The following MYOM1 variants were observed in gnomAD, a reference collection of about 807,000 sequenced individuals.
The protein encoded by MYOM1 is myomesin-1.
Under a neutral mutation model 205.3 loss-of-function variants are expected in MYOM1, and 164 were observed. The ratio of observed to expected loss-of-function variants is 0.80; its 90% CI spans 0.70 to 0.91. The LOEUF (loss-of-function observed/expected upper bound fraction) is 0.91, where lower values mean the gene tolerates loss of function less well. Ranked by LOEUF, MYOM1 falls within the 40% of genes least tolerant of loss-of-function variation. The pLI, the probability that MYOM1 is intolerant of heterozygous loss-of-function variation, is 0.00. For synonymous variants in MYOM1, 772 were observed against 789.4 expected, an observed-to-expected ratio of 0.98 and a Z score of 0.37; for missense variants, 2,011 against 2,127.3, an observed-to-expected ratio of 0.95 and a Z score of 1.08.
At chr18:3,118,165 G>A (rs1405160549) in intron 20 of MYOM1, among the ~76,000 whole-genome samples, 1 of 152,142 alleles carries the variant, frequency 6.6e-6, no homozygotes, top group Non-Finnish European at 1.5e-5. Context: ...TGTAAAACAG[G>A]ATGACAAAAC....
chr18:3,184,394 C>A (rs139718903), intron 5 of MYOM1, among the ~76,000 whole-genome samples: 258 of 152,258 alleles, frequency 1.7e-3, no homozygotes, highest in Non-Finnish European at 3.1e-3. Context: ...GTAAAGAGTG[C>A]CCTCCAAGTT....
chr18:3,144,114 G>A (rs2080090558), intron 13 of MYOM1, among the ~76,000 whole-genome samples: 1 of 151,982 alleles, frequency 6.6e-6, no homozygotes, highest in Non-Finnish European at 1.5e-5. Flanking sequence ...CCTGAGGCAG[G>A]AGAATGGCAT....
chr18:3,124,306 T>TTC (rs1201535140), intron 19 of MYOM1, among the ~76,000 whole-genome samples: 2 of 147,300 alleles, frequency 1.4e-5, no homozygotes, highest in African/African-American at 5.1e-5. Context: ...CTTTTTTCTT[T>TTC]TTTTTTTTTT....
intron 14 of MYOM1, among the ~76,000 whole-genome samples, chr18:3,138,400 A>T (rs2080001857): frequency 6.6e-6 from 1 of 152,100 alleles, no homozygotes; most frequent in African/African-American, 2.4e-5. Flanking sequence ...CATAGAGGAG[A>T]CAAAGGGATG....
chr18:3,194,499 G>A (rs1286186751), intron 2 of MYOM1, among the ~76,000 whole-genome samples: 2 of 152,184 alleles, frequency 1.3e-5, no homozygotes, highest in Admixed American at 6.5e-5. Context: ...ACACGATGCC[G>A]ATTGACTCAG....
At chr18:3,142,188 C>T in intron 13 of MYOM1, 125 bp from the exon 14 acceptor site, 2 of 1,142,232 alleles carry the variant, frequency 1.8e-6, no homozygotes, top group Non-Finnish European at 2.4e-6. Context: ...AAAGAAGTAC[C>T]TTCTCTCTAA....
At chr18:3,156,860 C>A (rs566996100) in intron 10 of MYOM1, among the ~76,000 whole-genome samples, 26 of 152,258 alleles carry the variant, frequency 1.7e-4, no homozygotes, top group African/African-American at 5.1e-4. Context: ...CCGCCCGCCT[C>A]GGCCTCCCAA....
At chr18:3,210,672 G>A (rs1425687103) in intron 2 of MYOM1, among the ~76,000 whole-genome samples, 1 of 152,176 alleles carries the variant, frequency 6.6e-6, no homozygotes, top group Non-Finnish European at 1.5e-5. Flanking sequence ...TCTAGAAGAA[G>A]GCTAAATCAA....
At chr18:3,198,737 C>T (rs1404986727) in intron 2 of MYOM1, among the ~76,000 whole-genome samples, 4 of 151,004 alleles carry the variant, frequency 2.6e-5, no homozygotes, top group African/African-American at 4.9e-5. Flanking sequence ...GAGCCAAGAT[C>T]GCACCACTGC....
chr18:3,096,734 A>G (rs2079310375), intron 25 of MYOM1, among the ~76,000 whole-genome samples: 1 of 152,294 alleles, frequency 6.6e-6, no homozygotes, highest in Admixed American at 6.5e-5. Context: ...CAAGAGGGGT[A>G]AAAACCGGTG....
intron 11 of MYOM1, among the ~76,000 whole-genome samples, chr18:3,154,704 T>C (rs576098517): frequency 1.3e-5 from 2 of 152,072 alleles, no homozygotes; most frequent in East Asian, 3.9e-4. Flanking sequence ...TACCATTATA[T>C]GTATGTGTAT....
chr18:3,131,361 C>T lies in MYOM1; in HGVS notation c.2506+14G>A. 1.2e-6 allele frequency: 2 copies of T among 1,613,518 alleles called. No individual in the cohort carries two copies. Among genetic ancestry groups the T allele is most frequent in the Non-Finnish European group, 1.7e-6 (2 of 1,179,660 alleles). ...TCCATTTTTCCCCCATACAGTTATGCATAAGGAACTTACCAATAGCAGCTT... is the reference window on the plus strand; with the variant it reads ...TCCATTTTTCCCCCATACAGTTATGTATAAGGAACTTACCAATAGCAGCTT... On this transcript the variant is annotated intron_variant, in intron 17 of 37. Coordinates refer to ENST00000356443, the MANE Select transcript of MYOM1 (RefSeq NM_003803.4).
intron 25 of MYOM1, among the ~76,000 whole-genome samples, chr18:3,097,435 T>C (rs549357444): frequency 6.6e-6 from 1 of 152,308 alleles, no homozygotes; most frequent in African/African-American, 2.4e-5. Flanking sequence ...TTTATACTCA[T>C]TTTTTTGTGA....
Position 3,075,430 on chromosome 18 carries a change from A to C in MYOM1, c.4708+24T>G, listed in dbSNP as rs185479163. 2.7e-4 allele frequency: 427 copies of C among 1,606,804 alleles called. 3 individuals are homozygous for C. In the African/African-American group the frequency reaches 4.7e-3, roughly 18 times the overall value. On this transcript the variant is annotated intron_variant, in intron 36 of 37. Transcript: ENST00000356443. The stretch of plus-strand genomic sequence containing the variant: ...GAATCTATCCCAGGAGTACTTGTGA[A>C]AAGTAAAAAAAAAGTTTACTTACTT...
At chr18:3,136,531 A>C (rs767442872) in intron 14 of MYOM1, among the ~76,000 whole-genome samples, 6 of 151,882 alleles carry the variant, frequency 4.0e-5, no homozygotes, top group Non-Finnish European at 8.8e-5. Context: ...GGTTCAAGTG[A>C]TCCTCCCACC....
At chr18:3,123,003 G>T (rs2079719735) in intron 19 of MYOM1, among the ~76,000 whole-genome samples, 1 of 152,016 alleles carries the variant, frequency 6.6e-6, no homozygotes, top group Non-Finnish European at 1.5e-5. Context: ...AAAAAAAGAA[G>T]AAAATCTGAG....
chr18:3,242,498 A>C, the MYOM1 span, among the ~76,000 whole-genome samples: 2 of 152,216 alleles, frequency 1.3e-5, no homozygotes, highest in South Asian at 2.1e-4. Flanking sequence ...TAAATTACCC[A>C]GTCTCAGGTA....
intron 18 of MYOM1, among the ~76,000 whole-genome samples, chr18:3,127,305 A>ATATATATTTTTT (rs56880961): frequency 6.3e-5 from 3 of 47,566 alleles, no homozygotes; most frequent in African/African-American, 1.8e-4. Context: ...ATATATATAT[A>ATATATATTTTTT]TTTTTTTTTT....
In MYOM1 at chr18:3,094,167, T is replaced by C. The variant is rs766295696; in HGVS notation, c.3864+3A>G. On this transcript the variant is annotated splice_donor_region_variant and intron_variant, in intron 26 of 37. Transcript: ENST00000356443. ...TAAAAAGTCTAAACAGTGTAAAACCTACCGGGCCTTCAAAAATTTCCTTCT... is the reference window on the plus strand; with the variant it reads ...TAAAAAGTCTAAACAGTGTAAAACCCACCGGGCCTTCAAAAATTTCCTTCT... 1 of 1,613,864 alleles carries C rather than the reference T, an allele frequency of 6.2e-7. No individual in the cohort carries two copies. Among genetic ancestry groups the C allele is most frequent in the South Asian group, 1.1e-5 (1 of 91,072 alleles).
Sources: gnomAD v4.1 joint callset for allele counts (sites outside exome capture counted in the v4.1 genomes callset) on GRCh38, gnomAD v4.1.1 for gene constraint, MANE v1.5 for transcripts, NCBI Gene and HGNC (gene_info 2026-07-23, HGNC 2026-07-21) for gene names.